Variants in OR2V2 observed in about 807,000 individuals in gnomAD.
The protein encoded by OR2V2 is olfactory receptor 2V2.
For synonymous variants in OR2V2, 161 were observed against 151.3 expected (o/e 1.06, Z -0.47); for missense variants, 392 against 392.2 (o/e 1.00, Z 0.00).
intron 1 of OR2V2, among the ~76,000 whole-genome samples, chr5:181,151,500 G>C (rs956221273): frequency 1.3e-5 from 2 of 152,220 alleles, no homozygotes; most frequent in African/African-American, 4.8e-5. Context: ...GGTGCCACGT[G>C]CATGGGAAGG....
chr5:181,154,419 C>T (rs540815500), intron 1 of OR2V2, among the ~76,000 whole-genome samples: 1 of 152,058 alleles, frequency 6.6e-6, no homozygotes, highest in African/African-American at 2.4e-5. Flanking sequence ...GAAACCCCGT[C>T]TCTACTAAAA....
chr5:181,156,087 G>A lies in OR2V2; in HGVS notation c.*197G>A, dbSNP rs202139595. 7.4e-4 allele frequency: 217 copies of A among 292,130 alleles called. 5 individuals are homozygous for A. Among genetic ancestry groups the A allele is most frequent in the East Asian group, 7.9e-4 (4 of 5,086 alleles). 18.1% of individuals were successfully genotyped at this position (292,130 alleles called of 1,614,324 possible). A position where few individuals can be genotyped will look rare whatever the true frequency, so the allele number is the denominator to read the frequency against. ...CTTTCTTTCTTTTGTTCTTTCTTTC[G>A]TTCTTTCTTTCTCTTCCTCTTTCTC... On this transcript the variant is annotated 3_prime_UTR_variant, in exon 2 of 2. Coordinates refer to ENST00000641492, the MANE Select transcript of OR2V2 (RefSeq NM_206880.2).
intron 1 of OR2V2, among the ~76,000 whole-genome samples, chr5:181,150,948 C>G (rs1763183987): frequency 6.6e-6 from 1 of 152,202 alleles, no homozygotes; most frequent in African/African-American, 2.4e-5. Flanking sequence ...CACCGCACCC[C>G]ACCCTGGACC....
At position 181,147,691 on chromosome 5, in the gene OR2V2, G is replaced by C; in HGVS notation, c.-329G>C. 2 of 304,510 alleles carry C rather than the reference G, an allele frequency of 6.6e-6. No homozygotes were observed. Among genetic ancestry groups the C allele is most frequent in the Non-Finnish European group, 5.9e-6 (1 of 168,374 alleles). 18.9% of individuals were successfully genotyped at this position (304,510 alleles called of 1,614,324 possible). On this transcript the variant is annotated 5_prime_UTR_variant, in exon 1 of 2. Coordinates refer to ENST00000641492, the MANE Select transcript of OR2V2 (RefSeq NM_206880.2). ...TGGGTGGGCTCAGGGCACTGCTCCT[G>C]GCTCCACCTCTCCTGCCAGCACCAG...
Position 181,156,058 on chromosome 5 carries a change from C to T in OR2V2, c.*168C>T. On this transcript the variant is annotated 3_prime_UTR_variant, in exon 2 of 2. Transcript: ENST00000641492. ...ACATCAGTTCTTTCTTTCTTTCTTT[C>T]TTTCTTTCTTTCTTTTGTTCTTTCT... 1.8e-6 allele frequency: 1 copy of T among 546,194 alleles called. No individual in the cohort carries two copies. The highest frequency in any genetic ancestry group is 3.1e-6 in the Non-Finnish European group (1 of 321,322). The allele number at this position is 546,194 out of a possible 1,614,324, so 33.8% of individuals were successfully genotyped here. A position where few individuals can be genotyped will look rare whatever the true frequency, so the allele number is the denominator to read the frequency against.
At chr5:181,148,331 T>G (rs549870458) in intron 1 of OR2V2, among the ~76,000 whole-genome samples, 1 of 151,882 alleles carries the variant, frequency 6.6e-6, no homozygotes, top group African/African-American at 2.4e-5. Context: ...AAGACAAGGA[T>G]GGATGTGTGG....
intron 1 of OR2V2, among the ~76,000 whole-genome samples, chr5:181,153,913 G>A (rs1763222918): frequency 6.6e-6 from 1 of 152,178 alleles, no homozygotes; most frequent in Non-Finnish European, 1.5e-5. Context: ...TTCTACTGAA[G>A]CCCTGACTAA....
chr5:181,154,782 A>C, intron 1 of OR2V2, 137 bp from the exon 2 acceptor site: 1 of 627,808 alleles, frequency 1.6e-6, no homozygotes, highest in Non-Finnish European at 2.8e-6. Context: ...GGAGATATGG[A>C]GTGTCCCCTA....
rs1763286953 is a variant in OR2V2, at chr5:181,158,006, TAGTC to T, written c.*2117_*2120del. 6.6e-6 allele frequency: 1 copy of T among 152,248 alleles called. No individual in the cohort carries two copies. Among genetic ancestry groups the T allele is most frequent in the Non-Finnish European group, 1.5e-5 (1 of 68,048 alleles). 9.4% of individuals were successfully genotyped at this position (152,248 alleles called of 1,614,324 possible). A position where few individuals can be genotyped will look rare whatever the true frequency, so the allele number is the denominator to read the frequency against. On this transcript the variant is annotated 3_prime_UTR_variant, in exon 2 of 2. Coordinates refer to ENST00000641492, the MANE Select transcript of OR2V2 (RefSeq NM_206880.2). ...AAGTTTCACCAGCCTTTACCTTATC[TAGTC>T]CCATGATGGGGAAATTCCTATTTCA...
intron 1 of OR2V2, among the ~76,000 whole-genome samples, chr5:181,149,347 T>C (rs571880961): frequency 6.6e-6 from 1 of 152,232 alleles, no homozygotes; most frequent in East Asian, 1.9e-4. Context: ...TGCTGTGACC[T>C]GGGCAGCTGG....
intron 1 of OR2V2, among the ~76,000 whole-genome samples, chr5:181,149,533 GAC>G (rs1301540015): frequency 2.0e-5 from 3 of 152,348 alleles, no homozygotes; most frequent in Admixed American, 2.0e-4. Flanking sequence ...CGGATAGGGA[GAC>G]AAATGTCTTT....
At position 181,158,996 on chromosome 5, in the gene OR2V2, A is replaced by C. The variant is rs989152812; in HGVS notation, c.*3106A>C. On this transcript the variant is annotated 3_prime_UTR_variant, in exon 2 of 2. Transcript: ENST00000641492. ...GCTCATTCCTATAATCCCAGCTGAT[A>C]ATGGGGAGGCCAAGGTGGGAGGATC... is the stretch of plus-strand genomic sequence containing the variant. 1.1e-4 allele frequency: 17 copies of C among 151,898 alleles called. No homozygotes were observed. The highest frequency in any genetic ancestry group is 4.1e-4 in the African/African-American group (17 of 41,310). 9.4% of individuals were successfully genotyped at this position (151,898 alleles called of 1,614,324 possible).
At chr5:181,151,921 A>G (rs73355628) in intron 1 of OR2V2, among the ~76,000 whole-genome samples, 170 of 150,478 alleles carry the variant, frequency 1.1e-3, no homozygotes, top group African/African-American at 3.8e-3. Context: ...AGAGCTCAAG[A>G]CTGCGGTGAG....
At chr5:181,153,317 T>C (rs1763215128) in intron 1 of OR2V2, among the ~76,000 whole-genome samples, 1 of 152,196 alleles carries the variant, frequency 6.6e-6, no homozygotes, top group African/African-American at 2.4e-5. Flanking sequence ...ATATACATGA[T>C]GTGATTTCCT....
chr5:181,152,831 G>C (rs1763209012), intron 1 of OR2V2, among the ~76,000 whole-genome samples: 1 of 152,224 alleles, frequency 6.6e-6, no homozygotes, highest in Admixed American at 6.5e-5. Flanking sequence ...AGCTGAACCA[G>C]AGCCTCAGGA....
rs1476927996 is a variant in OR2V2 at position 181,155,511 on chromosome 5, G to A, written c.569G>A (p.Cys190Tyr). 1 of 1,614,060 alleles carries A rather than the reference G, an allele frequency of 6.2e-7. No individual in the cohort carries two copies. Among genetic ancestry groups the A allele is most frequent in the Non-Finnish European group, 8.5e-7 (1 of 1,180,026 alleles). ...CEMLSLLKLA[C>Y]VDTSLFEKVI... ...ATGCTATCCTTGTTGAAGCTGGCCT[G>A]TGTAGACACATCCCTGTTTGAGAAG... Residue 190 changes from cysteine to tyrosine, a missense_variant, in exon 2 of 2, where the codon TGT (cysteine) becomes TAT (tyrosine). Cys to Tyr is a radical substitution (Grantham distance 194). Transcript: ENST00000641492.
chr5:181,155,806 C>T lies in OR2V2; in HGVS notation c.864C>T (p.Pro288=), dbSNP rs1714806056. 6.2e-7 allele frequency: 1 copy of T among 1,614,180 alleles called. No individual in the cohort carries two copies. Among genetic ancestry groups the T allele is most frequent in the Non-Finnish European group, 8.5e-7 (1 of 1,180,034 alleles). Residue 288 remains proline, a synonymous_variant, in exon 2 of 2, where the codon CCC becomes CCT. Transcript: ENST00000641492. ...FYTVLTPMLN[P]LIYSLRNREV... is the part of the protein sequence containing the mutation. ...CGGTCCTTACTCCCATGCTCAACCCCCTCATTTACAGCTTGAGGAACAGGG... is the reference window on the plus strand; with the variant it reads ...CGGTCCTTACTCCCATGCTCAACCCTCTCATTTACAGCTTGAGGAACAGGG...
chr5:181,150,415 T>G (rs1256507523), intron 1 of OR2V2, among the ~76,000 whole-genome samples: 1 of 152,226 alleles, frequency 6.6e-6, no homozygotes, highest in East Asian at 1.9e-4. Context: ...ACTGAAGACA[T>G]GCGCTGGCAG....
intron 1 of OR2V2, among the ~76,000 whole-genome samples, chr5:181,154,482 C>T (rs187208198): frequency 1.2e-4 from 18 of 150,952 alleles, no homozygotes; most frequent in African/African-American, 4.4e-4. Context: ...CCCAGCTACT[C>T]GGGAGGCTGA....
Sources: gnomAD v4.1 joint callset for allele counts (sites outside exome capture counted in the v4.1 genomes callset) on GRCh38, gnomAD v4.1.1 for gene constraint, MANE v1.5 for transcripts, NCBI Gene and HGNC (gene_info 2026-07-23, HGNC 2026-07-21) for gene names.